The following CSNK1G1 variants were observed in gnomAD, a reference collection of about 807,000 sequenced individuals.
CSNK1G1 encodes casein kinase I isoform gamma-1.
A neutral mutation model predicts 59.6 loss-of-function variants in CSNK1G1; 22 were observed. That is an observed-to-expected ratio of 0.37 (90% confidence interval 0.26 to 0.53). The LOEUF (loss-of-function observed/expected upper bound fraction) is 0.53, where lower values mean the gene tolerates loss of function less well. CSNK1G1 is among the 20% of genes least tolerant of loss of function. CSNK1G1 has a pLI of 0.89. For missense variants in CSNK1G1, 384 were observed against 519.5 expected (o/e 0.74, Z 2.54); for synonymous variants, 179 against 177.1 (o/e 1.01, Z -0.08).
chr15:64,272,697 T>C (rs1346069706), intron 2 of CSNK1G1, among the ~76,000 whole-genome samples: 3 of 152,164 alleles, frequency 2.0e-5, no homozygotes, highest in Non-Finnish European at 4.4e-5. Context: ...TAGCTGGTAG[T>C]AGTCTTTCCT....
chr15:64,224,773 T>C (rs1596120243), intron 4 of CSNK1G1, among the ~76,000 whole-genome samples: 1 of 152,072 alleles, frequency 6.6e-6, no homozygotes, highest in Non-Finnish European at 1.5e-5. Context: ...CAAATTTGTA[T>C]GGTGGGGGAA....
intron 3 of CSNK1G1, among the ~76,000 whole-genome samples, chr15:64,256,176 C>G (rs1345225290): frequency 6.6e-6 from 1 of 152,110 alleles, no homozygotes; most frequent in Non-Finnish European, 1.5e-5. Context: ...GATGACAAAT[C>G]AACATGGAAC....
At chr15:64,351,686 G>A (rs1038059695) in intron 1 of CSNK1G1, among the ~76,000 whole-genome samples, 2 of 152,064 alleles carry the variant, frequency 1.3e-5, no homozygotes, top group East Asian at 1.9e-4. Context: ...CAAGACCAGC[G>A]TGGCCAACAT....
chr15:64,191,106 G>C (rs1425589503), intron 10 of CSNK1G1, among the ~76,000 whole-genome samples: 2 of 152,128 alleles, frequency 1.3e-5, no homozygotes, highest in Non-Finnish European at 2.9e-5. Flanking sequence ...CTGTCACCCA[G>C]GCTGGAGTGC....
intron 1 of CSNK1G1, among the ~76,000 whole-genome samples, chr15:64,352,363 C>T (rs1898343032): frequency 6.6e-6 from 1 of 151,540 alleles, no homozygotes; most frequent in East Asian, 1.9e-4. Context: ...ATATACAGAC[C>T]TTACACTCTC....
intron 1 of CSNK1G1, among the ~76,000 whole-genome samples, chr15:64,350,234 C>G (rs1463099894): frequency 6.6e-6 from 1 of 152,106 alleles, no homozygotes; most frequent in Non-Finnish European, 1.5e-5. Context: ...TGGCTCACAC[C>G]TGTAATCCCA....
chr15:64,264,118 G>C (rs1297638300), intron 2 of CSNK1G1, among the ~76,000 whole-genome samples: 2 of 152,134 alleles, frequency 1.3e-5, no homozygotes, highest in East Asian at 1.9e-4. Flanking sequence ...AGAAAGGCTA[G>C]TTTAGAATAA....
intron 7 of CSNK1G1, 119 bp downstream of exon 7, chr15:64,207,390 C>T: frequency 1.5e-6 from 1 of 676,380 alleles, no homozygotes. Context: ...GGATTACAGG[C>T]ATGAGCCACC....
chr15:64,326,396 C>T (rs1896836285), intron 1 of CSNK1G1, among the ~76,000 whole-genome samples: 1 of 152,110 alleles, frequency 6.6e-6, no homozygotes, highest in African/African-American at 2.4e-5. Context: ...GTAATCCCAG[C>T]ACTTTGAGAG....
chr15:64,196,305 A>G (rs2082037857), intron 10 of CSNK1G1, among the ~76,000 whole-genome samples: 1 of 152,224 alleles, frequency 6.6e-6, no homozygotes, highest in South Asian at 2.1e-4. Flanking sequence ...TTTAGGAACC[A>G]TATTTGGGAT....
chr15:64,354,810 C>T (rs867566308), intron 1 of CSNK1G1, among the ~76,000 whole-genome samples: 13 of 152,306 alleles, frequency 8.5e-5, no homozygotes, highest in Middle Eastern at 3.4e-3. Context: ...CTGGTAGGTT[C>T]CATGACTTGC....
At chr15:64,198,179 T>C (rs1408112462) in intron 10 of CSNK1G1, among the ~76,000 whole-genome samples, 1 of 150,344 alleles carries the variant, frequency 6.7e-6, no homozygotes, top group Non-Finnish European at 1.5e-5. Context: ...CTACTTGGTA[T>C]CCACAGGATA....
chr15:64,170,923 GAGA>G lies in CSNK1G1; in HGVS notation c.*1005_*1007del, dbSNP rs1281375935. 6.6e-6 allele frequency: 1 copy of G among 152,570 alleles called. No homozygotes were observed. Among genetic ancestry groups the G allele is most frequent in the Non-Finnish European group, 1.5e-5 (1 of 68,028 alleles). 9.5% of individuals were successfully genotyped at this position (152,570 alleles called of 1,614,324 possible). The stretch of plus-strand genomic sequence containing the variant: ...CTGGTAGGGACATTCTTCAGCTGCT[GAGA>G]AGATGAATGAAAATTCAAGTATGTT... On this transcript the variant is annotated 3_prime_UTR_variant, in exon 12 of 12. Coordinates refer to ENST00000303052, the MANE Select transcript of CSNK1G1 (RefSeq NM_022048.5).
chr15:64,211,810 T>C (rs939011361), intron 6 of CSNK1G1, among the ~76,000 whole-genome samples: 7 of 152,188 alleles, frequency 4.6e-5, no homozygotes, highest in Non-Finnish European at 1.0e-4. Flanking sequence ...CTACTCTGTA[T>C]CTTATACAAA....
chr15:64,192,052 G>A (rs1003929207), intron 10 of CSNK1G1, among the ~76,000 whole-genome samples: 2 of 152,148 alleles, frequency 1.3e-5, no homozygotes, highest in Non-Finnish European at 2.9e-5. Flanking sequence ...TCCAAGAAAG[G>A]TATTCTAGGC....
intron 2 of CSNK1G1, among the ~76,000 whole-genome samples, chr15:64,260,198 T>C (rs72756964): frequency 0.044 from 6,725 of 152,278 alleles, 196 homozygotes; most frequent in South Asian, 0.085. Flanking sequence ...ATCTTGAGGA[T>C]AGGGATTTTA....
At chr15:64,284,503 T>C (rs1289823444) in intron 2 of CSNK1G1, among the ~76,000 whole-genome samples, 1 of 152,170 alleles carries the variant, frequency 6.6e-6, no homozygotes, top group Non-Finnish European at 1.5e-5. Context: ...CAATACTTTA[T>C]AGTTTTCAGA....
intron 1 of CSNK1G1, among the ~76,000 whole-genome samples, chr15:64,311,591 T>C (rs1895997314): frequency 6.8e-6 from 1 of 147,168 alleles, no homozygotes; most frequent in South Asian, 2.1e-4. Context: ...AATTCGAAGC[T>C]GACATGCATG....
At chr15:64,247,678 T>G (rs1030617744) in intron 4 of CSNK1G1, among the ~76,000 whole-genome samples, 2 of 152,218 alleles carry the variant, frequency 1.3e-5, no homozygotes, top group African/African-American at 4.8e-5. Context: ...TATCTCTACA[T>G]AATTAGAGAA....
Sources: allele counts gnomAD v4.1 joint callset (sites outside exome capture counted in the v4.1 genomes callset), GRCh38; gene constraint gnomAD v4.1.1; transcripts MANE v1.5; gene names NCBI Gene and HGNC (gene_info 2026-07-23, HGNC 2026-07-21).